Variants in KRTAP13-3 observed in about 807,000 individuals in gnomAD.
KRTAP13-3 encodes keratin associated protein 13-3, also known as keratin-associated protein 13-3.
For synonymous variants in KRTAP13-3, 98 were observed against 79.4 expected, an observed-to-expected ratio of 1.23 and a Z score of -1.25; for missense variants, 243 against 202.8, an observed-to-expected ratio of 1.20 and a Z score of -1.20.
At chr21:30,425,558 A>G in exon 1 of KRTAP13-3, 1 of 1,614,120 alleles carries the variant, frequency 6.2e-7, no homozygotes. Flanking sequence ...CAGCCCAGTG[A>G]GGAGCAGCTC....
chr21:30,425,798 C>T (rs777720742), exon 1 of KRTAP13-3: 96 of 1,614,020 alleles, frequency 5.9e-5, no homozygotes, highest in Non-Finnish European at 8.1e-5. Flanking sequence ...GAGCAGAGGT[C>T]AGTGCTGTAG....
exon 1 of KRTAP13-3, chr21:30,425,598 A>T: frequency 1.9e-6 from 3 of 1,613,172 alleles, no homozygotes; most frequent in Non-Finnish European, 2.5e-6. Context: ...AGCAGCAGCT[A>T]TTGGATCCAA....
chr21:30,425,485 C>G (rs761186556), exon 1 of KRTAP13-3: 5 of 1,613,630 alleles, frequency 3.1e-6, no homozygotes, highest in Admixed American at 1.7e-5. Flanking sequence ...GAATCTGGAT[C>G]TATAACTCTG....
At position 30,425,909 on chromosome 21, in the gene KRTAP13-3, A is replaced by T. The variant is rs369749357; in HGVS notation, c.4T>A (p.Ser2Thr). Residue 2 changes from serine to threonine, a missense_variant, in exon 1 of 1, where the codon TCC becomes ACC. Coordinates refer to ENST00000390690, the Ensembl canonical transcript of KRTAP13-3. ...AAGTTTCTAGAGCAACAGTTGTAGG[A>T]CATGTTGACGGGAAGATGTGAGTTC... 29 of 1,608,834 alleles carry T rather than the reference A, an allele frequency of 1.8e-5. No individual in the cohort carries two copies. The African/African-American group carries it at 3.3e-4, about 19-fold the overall frequency.
At chr21:30,425,664 G>T in exon 1 of KRTAP13-3, 1 of 1,614,162 alleles carries the variant, frequency 6.2e-7, no homozygotes, top group Non-Finnish European at 8.5e-7. Context: ...TGTGAGTCCT[G>T]GGGTAGTAGC....
At chr21:30,425,877 G>A in exon 1 of KRTAP13-3, 1 of 1,613,790 alleles carries the variant, frequency 6.2e-7, no homozygotes, top group Non-Finnish European at 8.5e-7. Flanking sequence ...CGTGGGAGCA[G>A]GAGGAGAAGT....
chr21:30,425,880 G>A, exon 1 of KRTAP13-3: 1 of 1,613,738 alleles, frequency 6.2e-7, no homozygotes. Flanking sequence ...GGGAGCAGGA[G>A]GAGAAGTTTC....
chr21:30,425,382 T>C lies in KRTAP13-3; in HGVS notation c.*12A>G, dbSNP rs375730830. 7 of 1,521,924 alleles carry C rather than the reference T, an allele frequency of 4.6e-6. No homozygotes were observed. The African/African-American group carries it at 9.8e-5, about 21-fold the overall frequency. 94.3% of individuals were successfully genotyped at this position (1,521,924 alleles called of 1,614,324 possible). A position where few individuals can be genotyped will look rare whatever the true frequency, so the allele number is the denominator to read the frequency against. Reference sequence around the variant, plus strand: ...GCATTTCTCAAATGAGTTTTACCAGTCACCACATTAGTCAGTAGAAACCAG... The same window carrying C: ...GCATTTCTCAAATGAGTTTTACCAGCCACCACATTAGTCAGTAGAAACCAG... On this transcript the variant is annotated 3_prime_UTR_variant, in exon 1 of 1. Transcript: ENST00000390690.
exon 1 of KRTAP13-3, chr21:30,425,466 T>G (rs1345195313): frequency 1.2e-6 from 2 of 1,610,452 alleles, no homozygotes; most frequent in Non-Finnish European, 1.7e-6. Flanking sequence ...GAAAATAGAT[T>G]GGATGGCAGA....
At chr21:30,425,716 C>A (rs78613000) in exon 1 of KRTAP13-3, 17 of 1,614,136 alleles carry the variant, frequency 1.1e-5, no homozygotes, top group Non-Finnish European at 1.4e-5. Flanking sequence ...CAATGTCTGA[C>A]AGCTGTTGGG....
exon 1 of KRTAP13-3, chr21:30,425,704 C>T (rs1366298045): frequency 6.2e-7 from 1 of 1,614,114 alleles, no homozygotes; most frequent in Non-Finnish European, 8.5e-7. Flanking sequence ...GGACTCAACA[C>T]ACAATGTCTG....
chr21:30,425,602 G>T (rs1377906825), exon 1 of KRTAP13-3: 3 of 1,614,036 alleles, frequency 1.9e-6, no homozygotes, highest in Non-Finnish European at 2.5e-6. Flanking sequence ...GCAGCTATTG[G>T]ATCCAAAACC....
chr21:30,425,912 T>A (rs747802300), exon 1 of KRTAP13-3: 2 of 1,607,750 alleles, frequency 1.2e-6, no homozygotes, highest in African/African-American at 1.3e-5. Flanking sequence ...TTGTAGGACA[T>A]GTTGACGGGA....
chr21:30,425,729 T>C (rs1984282516), exon 1 of KRTAP13-3: 2 of 1,614,064 alleles, frequency 1.2e-6, no homozygotes, highest in Non-Finnish European at 8.5e-7. Flanking sequence ...CTGTTGGGCC[T>C]CCAGCAGGTC....
At chr21:30,425,763 G>A (rs1306249599) in exon 1 of KRTAP13-3, 2 of 1,614,200 alleles carry the variant, frequency 1.2e-6, no homozygotes, top group Admixed American at 1.7e-5. Context: ...TATAGAGAGA[G>A]GAACCCAGCT....
chr21:30,425,621 C>T, exon 1 of KRTAP13-3: 2 of 1,614,184 alleles, frequency 1.2e-6, no homozygotes, highest in African/African-American at 1.3e-5. Context: ...CCCCGAGACC[C>T]AACATGCATA....
chr21:30,425,543 A>T (rs759272487), exon 1 of KRTAP13-3: 1 of 1,614,120 alleles, frequency 6.2e-7, no homozygotes, highest in South Asian at 1.1e-5. Flanking sequence ...AAGCCATTGG[A>T]TCCACAGCCC....
chr21:30,425,641 G>A, exon 1 of KRTAP13-3: 1 of 1,614,210 alleles, frequency 6.2e-7, no homozygotes, highest in Non-Finnish European at 8.5e-7. Flanking sequence ...AGTCAGGCAA[G>A]AATTGCAGAG....
Sources: allele counts gnomAD v4.1 joint callset, GRCh38; gene constraint gnomAD v4.1.1; transcripts MANE v1.5; gene names NCBI Gene and HGNC (gene_info 2026-07-23, HGNC 2026-07-21).